The following FAM193A variants were observed in gnomAD, a reference collection of about 807,000 sequenced individuals.
FAM193A encodes the protein family with sequence similarity 193 member A.
Under a neutral mutation model 126.5 loss-of-function variants are expected in FAM193A, and 22 were observed. The ratio of observed to expected loss-of-function variants is 0.17; its 90% CI spans 0.12 to 0.25. The LOEUF (loss-of-function observed/expected upper bound fraction) is 0.25, where lower values mean the gene tolerates loss of function less well. Ranked by LOEUF, FAM193A falls within the 10% of genes least tolerant of loss-of-function variation. The pLI is 1.00. For missense variants in FAM193A, 1,675 were observed against 1,672.8 expected, an observed-to-expected ratio of 1.00 and a Z score of -0.02; for synonymous variants, 761 against 646.8, an observed-to-expected ratio of 1.18 and a Z score of -2.68.
chr4:2,697,218 T>C (rs1717141822), intron 18 of FAM193A, among the ~76,000 whole-genome samples: 1 of 151,752 alleles, frequency 6.6e-6, no homozygotes, highest in East Asian at 1.9e-4. Context: ...TAGCCAGTCA[T>C]GGTGGTGTAC....
At chr4:2,685,882 GT>G (rs1173013876) in intron 13 of FAM193A, among the ~76,000 whole-genome samples, 2 of 152,200 alleles carry the variant, frequency 1.3e-5, no homozygotes, top group East Asian at 3.8e-4. Flanking sequence ...TAAAGCAACA[GT>G]TTTCCTTTTC....
intron 2 of FAM193A, among the ~76,000 whole-genome samples, chr4:2,603,624 T>A (rs1449072831): frequency 4.0e-5 from 6 of 148,746 alleles, no homozygotes; most frequent in Non-Finnish European, 7.5e-5. Context: ...GCCTGACTAA[T>A]TTTTTTTTGT....
chr4:2,707,557 A>G (rs1442842831), intron 19 of FAM193A, among the ~76,000 whole-genome samples: 1 of 152,132 alleles, frequency 6.6e-6, no homozygotes, highest in East Asian at 1.9e-4. Flanking sequence ...ATAATTTTTA[A>G]TATTGGTTAC....
At chr4:2,694,011 C>T in intron 16 of FAM193A, 137 bp downstream of exon 16, 1 of 929,818 alleles carries the variant, frequency 1.1e-6, no homozygotes, top group Non-Finnish European at 1.6e-6. Context: ...GCAGGGATGT[C>T]CCCAGCAGAG....
intron 7 of FAM193A, 111 bp downstream of exon 7, chr4:2,646,943 T>G: frequency 8.1e-7 from 1 of 1,232,846 alleles, no homozygotes. Context: ...AATTCCCGAC[T>G]GAGGCCCAGA....
At chr4:2,542,621 T>A (rs1737300268) in intron 1 of FAM193A, among the ~76,000 whole-genome samples, 1 of 152,198 alleles carries the variant, frequency 6.6e-6, no homozygotes, top group Non-Finnish European at 1.5e-5. Context: ...ATGGTGAGCT[T>A]TTTGGAGTAC....
chr4:2,695,285 G>A (rs1486782953), intron 17 of FAM193A, 156 bp downstream of exon 17: 2 of 611,180 alleles, frequency 3.3e-6, no homozygotes, highest in Non-Finnish European at 5.1e-6. Context: ...CAAAGATTTA[G>A]CCATAATGAT....
At chr4:2,665,603 G>A (rs944185488) in intron 12 of FAM193A, among the ~76,000 whole-genome samples, 12 of 152,122 alleles carry the variant, frequency 7.9e-5, no homozygotes, top group Non-Finnish European at 1.0e-4. Flanking sequence ...CAAACAGCTG[G>A]GCTCAAGCAG....
chr4:2,623,274 A>G (rs1742664968), intron 2 of FAM193A, among the ~76,000 whole-genome samples: 2 of 151,866 alleles, frequency 1.3e-5, no homozygotes, highest in South Asian at 4.1e-4. Context: ...GGTTCAAGCA[A>G]TTCTCCTGCC....
intron 12 of FAM193A, among the ~76,000 whole-genome samples, chr4:2,665,313 C>T: frequency 6.6e-6 from 1 of 152,080 alleles, no homozygotes; most frequent in East Asian, 1.9e-4. Context: ...TTGTGTTCTG[C>T]AGCTTTACTA....
intron 20 of FAM193A, 146 bp downstream of exon 20, chr4:2,716,250 A>G (rs767410278): frequency 9.2e-6 from 6 of 652,934 alleles, no homozygotes; most frequent in African/African-American, 1.8e-5. Flanking sequence ...AGAGCCTTGT[A>G]GTAGGACAGG....
intron 6 of FAM193A, among the ~76,000 whole-genome samples, chr4:2,640,842 G>T (rs975746295): frequency 6.6e-6 from 1 of 151,840 alleles, no homozygotes; most frequent in Non-Finnish European, 1.5e-5. Flanking sequence ...GCACATACCT[G>T]TGATCCTGGC....
rs1383020339 is a variant in FAM193A at position 2,731,922 on chromosome 4, CA to C, written c.*56del. 5.9e-6 allele frequency: 8 copies of C among 1,352,168 alleles called. No individual in the cohort carries two copies. Among genetic ancestry groups the C allele is most frequent in the African/African-American group, 1.4e-5 (1 of 69,868 alleles). The allele number at this position is 1,352,168 out of a possible 1,614,324, so 83.8% of individuals were successfully genotyped here. A position where few individuals can be genotyped will look rare whatever the true frequency, so the allele number is the denominator to read the frequency against. ...AGAGGCAGGCCAGGCTGCACCACCC[CA>C]AGAGCCACGCCCCTCGCTGGCGCCC... On this transcript the variant is annotated 3_prime_UTR_variant, in exon 21 of 21. Coordinates refer to ENST00000637812, the MANE Select transcript of FAM193A (RefSeq NM_001366318.2).
At chr4:2,674,280 G>T (rs1482777786) in intron 13 of FAM193A, among the ~76,000 whole-genome samples, 4 of 151,738 alleles carry the variant, frequency 2.6e-5, no homozygotes, top group African/African-American at 9.8e-5. Flanking sequence ...ACTTAGTTTG[G>T]CTTAGTTGGA....
intron 1 of FAM193A, among the ~76,000 whole-genome samples, chr4:2,590,261 G>A (rs1291757697): frequency 2.0e-5 from 3 of 151,478 alleles, no homozygotes; most frequent in African/African-American, 7.3e-5. Flanking sequence ...CACGAGGTCA[G>A]GAGATCGAGA....
At chr4:2,658,298 G>T (rs552960382) in intron 8 of FAM193A, among the ~76,000 whole-genome samples, 2 of 152,088 alleles carry the variant, frequency 1.3e-5, no homozygotes, top group East Asian at 1.9e-4. Flanking sequence ...CAGACAGAGC[G>T]CTCAGATCTC....
chr4:2,637,404 A>C lies in FAM193A; in HGVS notation c.1039-2331A>C, dbSNP rs370577343. 1.8e-4 allele frequency among the ~76,000 whole-genome samples: 28 copies of C among 152,348 alleles called. No homozygotes were observed. In the South Asian group the frequency reaches 3.5e-3, roughly 19 times the overall value. ...ATAAAATTGTCACTAGGCTTAAGTT[A>C]TGCTTCTAGTCATCTAGGAAACACC... On this transcript the variant is annotated intron_variant, in intron 5 of 20. Transcript: ENST00000637812.
chr4:2,698,239 C>G (rs1717267162), intron 18 of FAM193A, among the ~76,000 whole-genome samples: 1 of 152,228 alleles, frequency 6.6e-6, no homozygotes, highest in Non-Finnish European at 1.5e-5. Flanking sequence ...GACCAGGGCA[C>G]CTGCCTTTAC....
At chr4:2,674,362 T>G (rs184998944) in intron 13 of FAM193A, among the ~76,000 whole-genome samples, 32 of 152,306 alleles carry the variant, frequency 2.1e-4, no homozygotes, top group Admixed American at 2.0e-3. Flanking sequence ...GGTCCACCAG[T>G]GAGTTGTGGA....
Sources: allele counts gnomAD v4.1 joint callset (sites outside exome capture counted in the v4.1 genomes callset), GRCh38; gene constraint gnomAD v4.1.1; transcripts MANE v1.5; gene names NCBI Gene and HGNC (gene_info 2026-07-23, HGNC 2026-07-21).